The following TPTE variants were observed in gnomAD, a reference collection of about 807,000 sequenced individuals.
TPTE encodes the protein putative tyrosine-protein phosphatase TPTE.
Under a neutral mutation model 84.1 loss-of-function variants are expected in TPTE, and 59 were observed. That is an observed-to-expected ratio of 0.70 (90% CI 0.57 to 0.87). The LOEUF (loss-of-function observed/expected upper bound fraction) is 0.87. Ranked by LOEUF, TPTE falls within the 40% of genes least tolerant of loss-of-function variation. TPTE has a pLI of 0.00. For missense variants in TPTE, 382 were observed against 659.6 expected, an observed-to-expected ratio of 0.58 and a Z score of 4.61; for synonymous variants, 130 against 223.5, an observed-to-expected ratio of 0.58 and a Z score of 3.73.
intron 3 of TPTE, among the ~76,000 whole-genome samples, chr21:10,534,845 T>C (rs1194734972): frequency 6.6e-6 from 1 of 152,306 alleles, no homozygotes; most frequent in Non-Finnish European, 1.5e-5. Flanking sequence ...CCTAGCTGAG[T>C]TGACTAGTAG....
chr21:10,532,487 CCAGTT>C (rs1370023895), intron 3 of TPTE, among the ~76,000 whole-genome samples: 2 of 152,304 alleles, frequency 1.3e-5, no homozygotes, highest in African/African-American at 2.4e-5. Flanking sequence ...TTTTTCTTCT[CCAGTT>C]CAGTGACTTA....
At chr21:10,532,929 T>C (rs1056316685) in intron 3 of TPTE, among the ~76,000 whole-genome samples, 1 of 152,306 alleles carries the variant, frequency 6.6e-6, no homozygotes, top group Non-Finnish European at 1.5e-5. Flanking sequence ...GGTCTTTTGC[T>C]GTTTCTAGAA....
At position 10,595,980 on chromosome 21, in the gene TPTE, A is replaced by C; in HGVS notation, c.1171-2A>C. The C allele has an allele frequency of 6.2e-7, 1 of 1,613,912 alleles. No homozygotes were observed. Among genetic ancestry groups the C allele is most frequent in the Non-Finnish European group, 8.5e-7 (1 of 1,179,866 alleles). ...TAAAGGAAGATTTCTGTTGCTTTTC[A>C]GAAGAGATATGTTGCATATTTTGCA... On this transcript the variant is annotated splice_acceptor_variant, in intron 19 of 23. Coordinates refer to ENST00000618007, the MANE Select transcript of TPTE (RefSeq NM_199261.4). LOFTEE classifies it high-confidence loss of function.
chr21:10,551,736 C>G (rs2074579320), intron 7 of TPTE, among the ~76,000 whole-genome samples: 2 of 152,286 alleles, frequency 1.3e-5, no homozygotes, highest in Admixed American at 1.3e-4. Context: ...GACCTCATAA[C>G]AGATAATGAC....
intron 5 of TPTE, among the ~76,000 whole-genome samples, chr21:10,541,494 GCA>G (rs71250996): frequency 6.1e-4 from 93 of 151,994 alleles, no homozygotes; most frequent in African/African-American, 2.0e-3. Context: ...AAAAAAAGAT[GCA>G]CACACACACA....
At chr21:10,523,648 T>G (rs1391046925) in intron 1 of TPTE, among the ~76,000 whole-genome samples, 1 of 152,306 alleles carries the variant, frequency 6.6e-6, no homozygotes, top group Non-Finnish European at 1.5e-5. Flanking sequence ...TATGGCTGCA[T>G]AGTATTCCAT....
chr21:10,581,265 A>G (rs1262574697), intron 17 of TPTE, among the ~76,000 whole-genome samples: 1 of 152,312 alleles, frequency 6.6e-6, no homozygotes, highest in African/African-American at 2.4e-5. Context: ...GTTTTTAACC[A>G]TCTTTTGCTT....
intron 17 of TPTE, among the ~76,000 whole-genome samples, chr21:10,586,808 A>G (rs2075375286): frequency 6.6e-6 from 1 of 152,308 alleles, no homozygotes; most frequent in African/African-American, 2.4e-5. Flanking sequence ...TTAAGGAGTT[A>G]TTCTAAAGAT....
intron 18 of TPTE, among the ~76,000 whole-genome samples, chr21:10,591,502 G>T (rs1443843455): frequency 7.2e-5 from 11 of 152,280 alleles, no homozygotes; most frequent in Non-Finnish European, 1.3e-4. Flanking sequence ...AAAATAAAAT[G>T]AATAGAGCAG....
intron 19 of TPTE, among the ~76,000 whole-genome samples, 183 bp downstream of exon 19, chr21:10,592,556 TG>T (rs1246578619): frequency 6.6e-6 from 1 of 152,294 alleles, no homozygotes; most frequent in Admixed American, 6.5e-5. Flanking sequence ...GCCCACATGC[TG>T]GGGACTCTGG....
chr21:10,577,787 ATATTAGG>A (rs2075188345), intron 15 of TPTE, among the ~76,000 whole-genome samples: 1 of 152,310 alleles, frequency 6.6e-6, no homozygotes, highest in Non-Finnish European at 1.5e-5. Context: ...TGTTCTAGCG[ATATTAGG>A]TTTAGGAAAA....
chr21:10,588,255 T>C (rs1198731887), intron 17 of TPTE, among the ~76,000 whole-genome samples: 1 of 152,310 alleles, frequency 6.6e-6, no homozygotes, highest in Non-Finnish European at 1.5e-5. Context: ...TTTTTCTGCA[T>C]CTATTGAGAT....
intron 8 of TPTE, among the ~76,000 whole-genome samples, chr21:10,557,147 C>G (rs1476752098): frequency 6.6e-6 from 1 of 152,308 alleles, no homozygotes. Context: ...CTGACTCAAG[C>G]ACTTTGAGTA....
intron 7 of TPTE, among the ~76,000 whole-genome samples, chr21:10,546,447 AGT>A: frequency 1.3e-5 from 2 of 152,312 alleles, no homozygotes; most frequent in Admixed American, 1.3e-4. Flanking sequence ...TGAGTGTCCT[AGT>A]GAAGGGAAGA....
At chr21:10,547,319 T>C (rs902871940) in intron 7 of TPTE, among the ~76,000 whole-genome samples, 1 of 152,310 alleles carries the variant, frequency 6.6e-6, no homozygotes, top group African/African-American at 2.4e-5. Flanking sequence ...GACACATCTG[T>C]GGTGACTGAA....
At chr21:10,530,053 TC>T (rs2074150276) in intron 3 of TPTE, among the ~76,000 whole-genome samples, 1 of 152,306 alleles carries the variant, frequency 6.6e-6, no homozygotes, top group African/African-American at 2.4e-5. Flanking sequence ...TACAATCCTT[TC>T]TGTCATTATT....
In TPTE at chr21:10,585,295, GT is replaced by G. The variant is rs112888884; in HGVS notation, c.1028-5156del. 1.0e-2 allele frequency among the ~76,000 whole-genome samples: 1,477 copies of G among 147,912 alleles called. No homozygotes were observed. The East Asian group carries it at 0.1, about 10-fold the overall frequency. ...AAGAAATTCGTTTAGCTTGCTAAGA[GT>G]TTTTTTTTTTAAATCATGAATGGAT... On this transcript the variant is annotated intron_variant, in intron 17 of 23. Transcript: ENST00000618007.
Position 10,601,951 on chromosome 21 carries a change from AGAC to A in TPTE, c.1357-106_1357-104del, listed in dbSNP as rs1978580311. 2.4e-6 allele frequency: 3 copies of A among 1,262,906 alleles called. No individual in the cohort carries two copies. The African/African-American group carries it at 4.4e-5, about 19-fold the overall frequency. 78.2% of individuals were successfully genotyped at this position (1,262,906 alleles called of 1,614,324 possible). On this transcript the variant is annotated intron_variant, in intron 21 of 23. Coordinates refer to ENST00000618007, the MANE Select transcript of TPTE (RefSeq NM_199261.4). Reference sequence around the variant, plus strand: ...TTATGTATGTAGTGATTGGGCTGTGAGACCAAAAGTACTTGATAAATACAGGAA... The same window carrying A: ...TTATGTATGTAGTGATTGGGCTGTGACAAAAGTACTTGATAAATACAGGAA...
chr21:10,571,134 T>C (rs867337335), intron 14 of TPTE, among the ~76,000 whole-genome samples: 3 of 152,310 alleles, frequency 2.0e-5, no homozygotes, highest in South Asian at 4.1e-4. Context: ...CTAGCATGCA[T>C]ATGCCTAAGG....
Sources: allele counts gnomAD v4.1 joint callset (sites outside exome capture counted in the v4.1 genomes callset), GRCh38; gene constraint gnomAD v4.1.1; transcripts MANE v1.5; gene names NCBI Gene and HGNC (gene_info 2026-07-23, HGNC 2026-07-21).